Variants in TAF12 observed in about 807,000 individuals in gnomAD.
The protein encoded by TAF12 is TATA-box binding protein associated factor 12, also known as transcription initiation factor TFIID subunit 12.
TAF12 carries 3 observed loss-of-function variants against 20.8 expected under a neutral mutation model. The observed-to-expected ratio is 0.14, with a 90% CI of 0.07 to 0.37. The LOEUF is 0.37. Ranked by LOEUF, TAF12 falls within the 10% of genes least tolerant of loss-of-function variation. TAF12 has a pLI of 1.00. For synonymous variants in TAF12, 69 were observed against 70.2 expected, an observed-to-expected ratio of 0.98 and a Z score of 0.09; for missense variants, 131 against 197.9, an observed-to-expected ratio of 0.66 and a Z score of 2.03.
chr1:28,634,979 C>A (rs1284005473), intron 1 of TAF12, among the ~76,000 whole-genome samples: 1 of 151,258 alleles, frequency 6.6e-6, no homozygotes, highest in Non-Finnish European at 1.5e-5. Context: ...GTAATCCCAG[C>A]ACTTTGGGAG....
At chr1:28,625,823 G>C (rs538084789) in intron 1 of TAF12, among the ~76,000 whole-genome samples, 2 of 151,436 alleles carry the variant, frequency 1.3e-5, no homozygotes, top group Admixed American at 1.3e-4. Flanking sequence ...TTACAGGCGT[G>C]AGCCACCGCG....
At chr1:28,636,639 A>AG (rs1667833307) in intron 1 of TAF12, among the ~76,000 whole-genome samples, 1 of 151,926 alleles carries the variant, frequency 6.6e-6, no homozygotes, top group South Asian at 2.1e-4. Flanking sequence ...ATAAAAAAAA[A>AG]AAAATCAAAA....
Position 28,642,772 on chromosome 1 carries a change from C to T in TAF12, c.-85+220G>A. On this transcript the variant is annotated intron_variant, in intron 1 of 5. Transcript: ENST00000373824. The stretch of plus-strand genomic sequence containing the variant: ...TTTCCCTCAGATGCCGGAGAACTCG[C>T]ATCCGTCCCCGTTCCCTAAGTCCCG... 3 of 985,328 alleles carry T rather than the reference C, an allele frequency of 3.0e-6. 1 individual carries two copies. The highest frequency in any genetic ancestry group is 3.6e-6 in the Non-Finnish European group (3 of 829,974). 61.0% of individuals were successfully genotyped at this position (985,328 alleles called of 1,614,324 possible).
At chr1:28,624,028 T>A in intron 1 of TAF12, 1 of 985,782 alleles carries the variant, frequency 1.0e-6, no homozygotes, top group South Asian at 4.7e-5. Flanking sequence ...TTTCAAAAGC[T>A]ACCTGTAAAT....
At position 28,609,632 on chromosome 1, in the gene TAF12, G is replaced by A. The variant is rs191595571; in HGVS notation, c.361+3615C>T. 1.1e-4 allele frequency among the ~76,000 whole-genome samples: 17 copies of A among 151,890 alleles called. No individual in the cohort carries two copies. The East Asian group carries it at 2.0e-3, about 17-fold the overall frequency. On this transcript the variant is annotated intron_variant, in intron 4 of 5. Coordinates refer to ENST00000373824, the MANE Select transcript of TAF12 (RefSeq NM_005644.4). ...CTCTGGAGTAGCTGGGACTACAGGC[G>A]TGCACCACCACGCTCAGCTAATTTT...
intron 3 of TAF12, among the ~76,000 whole-genome samples, chr1:28,617,085 A>G (rs1477715503): frequency 6.6e-6 from 1 of 152,082 alleles, no homozygotes; most frequent in African/African-American, 2.4e-5. Context: ...GCGCCATTGC[A>G]CTCCAGCGTG....
intron 1 of TAF12, among the ~76,000 whole-genome samples, chr1:28,627,494 C>T (rs1667448475): frequency 6.6e-6 from 1 of 151,154 alleles, no homozygotes; most frequent in Non-Finnish European, 1.5e-5. Flanking sequence ...GAGATCGAGA[C>T]CATCCTGGCT....
intron 4 of TAF12, among the ~76,000 whole-genome samples, chr1:28,605,870 G>A (rs577627985): frequency 2.0e-5 from 3 of 152,254 alleles, no homozygotes; most frequent in East Asian, 1.9e-4. Flanking sequence ...GCGCAATCTC[G>A]ACTCACTGCA....
chr1:28,638,315 G>A (rs1452894560), intron 1 of TAF12, among the ~76,000 whole-genome samples: 1 of 151,232 alleles, frequency 6.6e-6, no homozygotes, highest in Non-Finnish European at 1.5e-5. Flanking sequence ...TCAGCCTCCC[G>A]AGTAGCTGTG....
chr1:28,623,036 C>CA lies in TAF12; in HGVS notation c.-84-872dup, dbSNP rs530309386. ...AGTGAGACTCGCCCCCACCGCCCCA[C>CA]AAAAAAAAAAACAAAACACAAAAAA... is the stretch of plus-strand genomic sequence containing the variant. On this transcript the variant is annotated intron_variant, in intron 1 of 5. Transcript: ENST00000373824. Among the ~76,000 whole-genome samples the CA allele has an allele frequency of 7.9e-3, 1,038 of 130,784 alleles. 13 individuals carry two copies. Among genetic ancestry groups the CA allele is most frequent in the African/African-American group, 0.02 (737 of 36,510 alleles). 85.8% of individuals were successfully genotyped at this position (130,784 alleles called of 152,430 possible).
At chr1:28,604,588 A>G (rs982029113) in intron 5 of TAF12, among the ~76,000 whole-genome samples, 2 of 152,176 alleles carry the variant, frequency 1.3e-5, no homozygotes, top group African/African-American at 4.8e-5. Flanking sequence ...GAACAGTGCA[A>G]TCTTTCCATT....
chr1:28,627,004 T>A (rs896333242), intron 1 of TAF12, among the ~76,000 whole-genome samples: 1 of 150,946 alleles, frequency 6.6e-6, no homozygotes, highest in Non-Finnish European at 1.5e-5. Flanking sequence ...CAAATTAGGA[T>A]TTTTTTTTCT....
chr1:28,641,155 T>C (rs1668018426), intron 1 of TAF12, among the ~76,000 whole-genome samples: 1 of 152,030 alleles, frequency 6.6e-6, no homozygotes, highest in Non-Finnish European at 1.5e-5. Context: ...ACTCAAATTA[T>C]CAGAAACTGT....
At chr1:28,626,271 C>T (rs1027507399) in intron 1 of TAF12, among the ~76,000 whole-genome samples, 1 of 151,942 alleles carries the variant, frequency 6.6e-6, no homozygotes, top group Non-Finnish European at 1.5e-5. Context: ...AACCACCGCG[C>T]CCGGCCTCAG....
intron 3 of TAF12, among the ~76,000 whole-genome samples, chr1:28,617,375 T>C (rs190918443): frequency 6.6e-6 from 1 of 152,226 alleles, no homozygotes; most frequent in East Asian, 1.9e-4. Flanking sequence ...ACCTCGGCCT[T>C]CTGGGTTTAA....
At chr1:28,613,194 A>C in intron 4 of TAF12, 53 bp downstream of exon 4, 1 of 1,471,510 alleles carries the variant, frequency 6.8e-7, no homozygotes, top group Non-Finnish European at 9.3e-7. Flanking sequence ...TTTCCCTGGC[A>C]GTCCTGAAGA....
intron 3 of TAF12, among the ~76,000 whole-genome samples, chr1:28,617,661 C>T (rs1486076911): frequency 6.6e-6 from 1 of 151,942 alleles, no homozygotes; most frequent in Admixed American, 6.6e-5. Flanking sequence ...CTGTGTTAGC[C>T]AGGATGGTCT....
chr1:28,642,515 A>G (rs1305730128), intron 1 of TAF12: 1 of 499,604 alleles, frequency 2.0e-6, no homozygotes, highest in Admixed American at 6.4e-5. Flanking sequence ...TTCCCTTCCA[A>G]ACTCAAGTTT....
At chr1:28,604,576 C>G (rs1317878301) in intron 5 of TAF12, among the ~76,000 whole-genome samples, 1 of 152,230 alleles carries the variant, frequency 6.6e-6, no homozygotes, top group Non-Finnish European at 1.5e-5. Flanking sequence ...GGACTCTCTT[C>G]TGAACAGTGC....
Sources: allele counts gnomAD v4.1 joint callset (sites outside exome capture counted in the v4.1 genomes callset), GRCh38; gene constraint gnomAD v4.1.1; transcripts MANE v1.5; gene names NCBI Gene and HGNC (gene_info 2026-07-23, HGNC 2026-07-21).